COIL: variants seen among roughly 807,000 people sequenced by gnomAD.
The protein encoded by COIL is coilin.
Under a neutral mutation model 51.6 loss-of-function variants are expected in COIL, and 28 were observed. The ratio of observed to expected loss-of-function variants is 0.54; its 90% CI spans 0.40 to 0.74. The LOEUF (loss-of-function observed/expected upper bound fraction) is 0.74. COIL is among the 30% of genes least tolerant of loss of function. COIL has a pLI of 0.00. For synonymous variants in COIL, 233 were observed against 255.8 expected, an observed-to-expected ratio of 0.91 and a Z score of 0.85; for missense variants, 667 against 685.9, an observed-to-expected ratio of 0.97 and a Z score of 0.31.
chr17:56,959,144 A>C (rs1303140137), intron 1 of COIL, among the ~76,000 whole-genome samples: 1 of 152,196 alleles, frequency 6.6e-6, no homozygotes, highest in Non-Finnish European at 1.5e-5. Context: ...CAGGGATTCG[A>C]GACCAGCCTG....
intron 1 of COIL, among the ~76,000 whole-genome samples, chr17:56,954,126 G>A (rs1910436387): frequency 6.6e-6 from 1 of 152,156 alleles, no homozygotes; most frequent in East Asian, 1.9e-4. Flanking sequence ...GCAAGTCTCT[G>A]TTCAGTCACT....
intron 1 of COIL, among the ~76,000 whole-genome samples, chr17:56,953,145 C>A (rs1046912073): frequency 6.6e-5 from 10 of 151,942 alleles, no homozygotes; most frequent in African/African-American, 2.4e-4. Flanking sequence ...GGCACGGTGG[C>A]TCACGCCTGT....
Position 56,949,889 on chromosome 17 carries a change from C to G in COIL, c.1353G>C (p.Gln451His), listed in dbSNP as rs746255041. 4.3e-6 allele frequency: 7 copies of G among 1,612,756 alleles called. No individual in the cohort carries two copies. The highest frequency in any genetic ancestry group is 5.9e-6 in the Non-Finnish European group (7 of 1,179,268). Residue 451 changes from glutamine (Q) to histidine (H), a missense_variant and splice_region_variant, in exon 2 of 7, where the codon CAG becomes CAC. Coordinates refer to ENST00000240316, the MANE Select transcript of COIL (RefSeq NM_004645.3). ...ATAACTTACAAAAAATAATACTTAC[C>G]TGGATAATAGTAGATGAATTTTTTA... ...DVVKNSSTIIQNPVETPKKDY... is the reference protein window; with the variant it reads ...DVVKNSSTIIHNPVETPKKDY...
At position 56,942,054 on chromosome 17, in the gene COIL, G is replaced by GCGTA. The variant is rs867118495; in HGVS notation, c.1624_1627dup (p.Ala543ValfsTer18). Reference sequence around the variant, plus strand: ...ACCTACCTTGCTCTCCTGTGTCACAGCGTACTCCACTACCTCGGCTCCATT... The same window carrying GCGTA: ...ACCTACCTTGCTCTCCTGTGTCACAGCGTACGTACTCCACTACCTCGGCTCCATT... On this transcript the variant is annotated frameshift_variant, in exon 6 of 7. Coordinates refer to ENST00000240316, the MANE Select transcript of COIL (RefSeq NM_004645.3). LOFTEE classifies it high-confidence loss of function. 2 of 1,614,050 alleles carry GCGTA rather than the reference G, an allele frequency of 1.2e-6. No homozygotes were observed. Among genetic ancestry groups the GCGTA allele is most frequent in the Non-Finnish European group, 1.7e-6 (2 of 1,179,906 alleles).
chr17:56,958,944 T>C (rs1424066155), intron 1 of COIL, among the ~76,000 whole-genome samples: 2 of 152,202 alleles, frequency 1.3e-5, no homozygotes, highest in Non-Finnish European at 2.9e-5. Flanking sequence ...TCTTACGGAA[T>C]CTGACATGCT....
rs1910325239 is a variant in COIL at position 56,949,982 on chromosome 17, C to A, written c.1260G>T (p.Gly420=). The stretch of plus-strand genomic sequence containing the variant: ...TATTTACAACACAGGAAACAGGATG[C>A]CCTCGTCCTCGACCTCTCCCCCGCA... ...RGMRGRGRGR[G]HPVSCVVNRS... is the part of the protein sequence containing the mutation. Residue 420 remains glycine, a synonymous_variant, in exon 2 of 7, where the codon GGG becomes GGT. Transcript: ENST00000240316. 2.5e-6 allele frequency: 4 copies of A among 1,614,012 alleles called. No individual in the cohort carries two copies. In the African/African-American group the frequency reaches 5.3e-5, roughly 22 times the overall value.
chr17:56,954,766 C>G (rs1910452693), intron 1 of COIL, among the ~76,000 whole-genome samples: 1 of 149,076 alleles, frequency 6.7e-6, no homozygotes, highest in Non-Finnish European at 1.5e-5. Context: ...CCCAGGAGTT[C>G]AAAACTAGCC....
chr17:56,938,993 TA>T lies in COIL; in HGVS notation c.*77del, dbSNP rs3056865. The T allele has an allele frequency of 0.15, 85,316 of 580,866 alleles. 28 individuals are homozygous for T. The highest frequency in any genetic ancestry group is 0.18 in the South Asian group (7,319 of 41,178). The allele number at this position is 580,866 out of a possible 1,614,324, so 36.0% of individuals were successfully genotyped here. ...ATCCATACAACTTCCAAATCCTCTT[TA>T]AAAAAAAAAAAAAGTTTGGGTTATA... On this transcript the variant is annotated 3_prime_UTR_variant, in exon 7 of 7. Transcript: ENST00000240316.
At chr17:56,939,529 C>T (rs1910106518) in intron 6 of COIL, among the ~76,000 whole-genome samples, 1 of 152,084 alleles carries the variant, frequency 6.6e-6, no homozygotes, top group African/African-American at 2.4e-5. Context: ...GCAGTCGGAT[C>T]ATCTAAAGTC....
At chr17:56,960,520 T>G (rs1261764674) in intron 1 of COIL, among the ~76,000 whole-genome samples, 1 of 148,088 alleles carries the variant, frequency 6.8e-6, no homozygotes, top group African/African-American at 2.5e-5. Flanking sequence ...CAGGACTCCG[T>G]CTCAAAAAAA....
chr17:56,947,572 G>A (rs1567852042), intron 4 of COIL, among the ~76,000 whole-genome samples: 1 of 152,120 alleles, frequency 6.6e-6, no homozygotes. Context: ...CTGCGTTCAA[G>A]TGATTCTTGT....
intron 4 of COIL, among the ~76,000 whole-genome samples, chr17:56,946,844 A>T (rs1282534766): frequency 6.6e-6 from 1 of 152,224 alleles, no homozygotes; most frequent in African/African-American, 2.4e-5. Context: ...AGGAGAAAAA[A>T]ATCACACCAG....
intron 1 of COIL, among the ~76,000 whole-genome samples, chr17:56,954,718 T>A (rs559632927): frequency 6.6e-6 from 1 of 151,816 alleles, no homozygotes; most frequent in Admixed American, 6.6e-5. Flanking sequence ...ATGCCTGTAA[T>A]CCCAGCTACT....
In COIL at chr17:56,949,761, C is replaced by T; in HGVS notation, c.1360G>A (p.Val454Ile). ...KNSSTIIQNP[V>I]ETPKKDYSLL... ...CTATAGTCCTTCTTGGGTGTCTCTA[C>T]TGGATTCTGAAAAACAGTGTTAGTC... The change falls in exon 3 of 7, where the codon GTA (valine) becomes ATA (isoleucine). Residue 454 changes from valine (V) to isoleucine (I), a missense_variant. Transcript: ENST00000240316. 2 of 1,614,146 alleles carry T rather than the reference C, an allele frequency of 1.2e-6. No individual in the cohort carries two copies. Among genetic ancestry groups the T allele is most frequent in the Non-Finnish European group, 1.7e-6 (2 of 1,179,972 alleles).
At position 56,946,431 on chromosome 17, in the gene COIL, A is replaced by G; in HGVS notation, c.1558+11T>C. On this transcript the variant is annotated intron_variant, in intron 5 of 6. Coordinates refer to ENST00000240316, the MANE Select transcript of COIL (RefSeq NM_004645.3). ...AGCCTACATTTTCAAATTATTTTCT[A>G]AAAGACTCACCAGGTAAGGATGAAA... 2 of 1,575,094 alleles carry G rather than the reference A, an allele frequency of 1.3e-6. No homozygotes were observed. Among genetic ancestry groups the G allele is most frequent in the Non-Finnish European group, 1.7e-6 (2 of 1,146,694 alleles).
intron 4 of COIL, among the ~76,000 whole-genome samples, chr17:56,949,107 C>T (rs1466908297): frequency 1.3e-5 from 2 of 151,968 alleles, no homozygotes; most frequent in Admixed American, 6.6e-5. Flanking sequence ...GATCCTGTCG[C>T]TATTTAAAAA....
At chr17:56,955,221 C>T (rs1256342345) in intron 1 of COIL, among the ~76,000 whole-genome samples, 3 of 152,138 alleles carry the variant, frequency 2.0e-5, no homozygotes, top group Admixed American at 1.3e-4. Flanking sequence ...CCTGCCACCA[C>T]GCCTGGCTAA....
intron 4 of COIL, among the ~76,000 whole-genome samples, chr17:56,948,171 G>C (rs999781427): frequency 1.6e-5 from 2 of 123,912 alleles, no homozygotes; most frequent in Admixed American, 2.1e-4. Flanking sequence ...GTCTCGCTCT[G>C]TTACCCAGGC....
At chr17:56,958,535 G>C (rs1910522985) in intron 1 of COIL, among the ~76,000 whole-genome samples, 1 of 152,188 alleles carries the variant, frequency 6.6e-6, no homozygotes, top group South Asian at 2.1e-4. Flanking sequence ...GGAAAGATTT[G>C]CCTGTCATCG....
Sources: gnomAD v4.1 joint callset for allele counts (sites outside exome capture counted in the v4.1 genomes callset) on GRCh38, gnomAD v4.1.1 for gene constraint, MANE v1.5 for transcripts, NCBI Gene and HGNC (gene_info 2026-07-23, HGNC 2026-07-21) for gene names.